MLLT1: variants seen among roughly 807,000 people sequenced by gnomAD.
MLLT1 encodes the protein MLLT1 super elongation complex subunit.
MLLT1 carries 11 observed loss-of-function variants against 55.1 expected under a neutral mutation model. The ratio of observed to expected loss-of-function variants is 0.20; its 90% CI spans 0.13 to 0.33. The LOEUF (loss-of-function observed/expected upper bound fraction) is 0.33, where lower values mean the gene tolerates loss of function less well. Among genes scored for constraint, MLLT1 ranks in the 10% least tolerant of loss-of-function variants. The pLI, the probability that MLLT1 is intolerant of heterozygous loss-of-function variation, is 1.00. For missense variants in MLLT1, 536 were observed against 760.6 expected, an observed-to-expected ratio of 0.70 and a Z score of 3.47; for synonymous variants, 323 against 320.1, an observed-to-expected ratio of 1.01 and a Z score of -0.10.
Position 6,262,414 on chromosome 19 carries a change from G to C in MLLT1, c.194-104C>G, listed in dbSNP as rs1007709587. On this transcript the variant is annotated intron_variant, in intron 2 of 11. Transcript: ENST00000252674. This position sits in a 1 kb window ranked among gnomAD's most constrained non-coding sequence, Gnocchi z 4.4. ...CTCAACCCCACCACCTCCTCACAGG[G>C]GCTTGGCTGGCCTCTCGGGGGTGGC... The C allele has an allele frequency of 2.0e-5, 18 of 913,902 alleles. No homozygotes were observed. Among genetic ancestry groups the C allele is most frequent in the Non-Finnish European group, 2.7e-5 (16 of 591,056 alleles). The allele number at this position is 913,902 out of a possible 1,614,324, so 56.6% of individuals were successfully genotyped here.
chr19:6,215,075 G>A (rs2090826188), intron 8 of MLLT1, among the ~76,000 whole-genome samples: 2 of 152,164 alleles, frequency 1.3e-5, no homozygotes, highest in East Asian at 1.9e-4. Flanking sequence ...TGACTGGGAT[G>A]ACGGCTGGGC....
At chr19:6,263,420 T>A (rs980319231) in intron 2 of MLLT1, 4 of 152,448 alleles carry the variant, frequency 2.6e-5, no homozygotes, top group African/African-American at 9.7e-5. Flanking sequence ...CAGGGCCACC[T>A]CCTTCGAGAA....
chr19:6,232,237 AAAACAAAC>A (rs538916174), intron 3 of MLLT1, among the ~76,000 whole-genome samples: 8 of 152,188 alleles, frequency 5.3e-5, no homozygotes, highest in Admixed American at 1.3e-4. Flanking sequence ...CTCTGTCTGA[AAAACAAAC>A]AAACAAACAA....
At chr19:6,238,968 G>C (rs898965403) in intron 3 of MLLT1, among the ~76,000 whole-genome samples, 1 of 152,264 alleles carries the variant, frequency 6.6e-6, no homozygotes, top group Non-Finnish European at 1.5e-5. Context: ...GCCTTAGTCA[G>C]TCCACACCAA....
chr19:6,269,412 G>A (rs769464222), intron 2 of MLLT1, among the ~76,000 whole-genome samples: 4 of 152,246 alleles, frequency 2.6e-5, no homozygotes, highest in Non-Finnish European at 5.9e-5. Context: ...CCGCTGTCAG[G>A]AGCCTCCGCG....
At position 6,227,288 on chromosome 19, in the gene MLLT1, A is replaced by T. The variant is rs1301684368; in HGVS notation, c.421-186T>A. ...TGCTGAGCACGCAGAAGAAGCAGGC[A>T]TGGGTGGGGAGCGAAGAAAAGCCCA... On this transcript the variant is annotated intron_variant, in intron 4 of 11. Transcript: ENST00000252674. The surrounding 1 kb of genome is among the most constrained non-coding windows in gnomAD (Gnocchi z 5.1). 6.6e-6 allele frequency among the ~76,000 whole-genome samples: 1 copy of T among 152,094 alleles called. No individual in the cohort carries two copies. Among genetic ancestry groups the T allele is most frequent in the Non-Finnish European group, 1.5e-5 (1 of 68,012 alleles).
intron 3 of MLLT1, among the ~76,000 whole-genome samples, chr19:6,251,682 TG>T (rs2091215570): frequency 6.6e-6 from 1 of 151,828 alleles, no homozygotes; most frequent in Admixed American, 6.6e-5. Context: ...CCCAGCACTT[TG>T]GGAGGCCAAG....
Position 6,229,029 on chromosome 19 carries a change from A to T in MLLT1, c.420+1541T>A, listed in dbSNP as rs1490730157. On this transcript the variant is annotated intron_variant, in intron 4 of 11. Coordinates refer to ENST00000252674, the MANE Select transcript of MLLT1 (RefSeq NM_005934.4). The surrounding 1 kb of genome is among the most constrained non-coding windows in gnomAD (Gnocchi z 5.2). ...GCCCTCAGAGCCTTCATCGCTGTGG[A>T]GCAAAGGAAGCCGCCTCCCACAGGG... 1.3e-5 allele frequency among the ~76,000 whole-genome samples: 2 copies of T among 152,092 alleles called. No homozygotes were observed. Among genetic ancestry groups the T allele is most frequent in the Non-Finnish European group, 2.9e-5 (2 of 67,990 alleles).
intron 7 of MLLT1, among the ~76,000 whole-genome samples, chr19:6,217,514 A>C (rs531027816): frequency 6.6e-6 from 1 of 152,290 alleles, no homozygotes; most frequent in Admixed American, 6.5e-5. Flanking sequence ...GCCTGCCTGG[A>C]GAGGGAGAGG....
intron 8 of MLLT1, among the ~76,000 whole-genome samples, chr19:6,214,398 T>C (rs1182810829): frequency 2.0e-5 from 3 of 152,156 alleles, no homozygotes; most frequent in Non-Finnish European, 4.4e-5. Context: ...GCTGAAAACC[T>C]GCCCTCTTCT....
chr19:6,245,814 GC>G, intron 3 of MLLT1, among the ~76,000 whole-genome samples: 1 of 152,344 alleles, frequency 6.6e-6, no homozygotes, highest in African/African-American at 2.4e-5. Flanking sequence ...CAGGAGGACT[GC>G]TTAAGTCCAG....
At chr19:6,258,468 G>A (rs2091276846) in intron 3 of MLLT1, among the ~76,000 whole-genome samples, 2 of 152,130 alleles carry the variant, frequency 1.3e-5, no homozygotes, top group Non-Finnish European at 1.5e-5. Context: ...CAACGCTGTC[G>A]TCTTGCTTCG....
intron 6 of MLLT1, among the ~76,000 whole-genome samples, chr19:6,220,615 T>C (rs757353772): frequency 6.6e-6 from 1 of 151,976 alleles, no homozygotes; most frequent in Non-Finnish European, 1.5e-5. Flanking sequence ...CAGAGCGGAG[T>C]GGAGCGGGCC....
At chr19:6,249,774 G>A (rs1439193049) in intron 3 of MLLT1, among the ~76,000 whole-genome samples, 1 of 152,132 alleles carries the variant, frequency 6.6e-6, no homozygotes, top group East Asian at 1.9e-4. Flanking sequence ...TGTAATCCCA[G>A]CACTTTGGGA....
chr19:6,277,847 T>C (rs1655417673), intron 1 of MLLT1, among the ~76,000 whole-genome samples: 1 of 152,220 alleles, frequency 6.6e-6, no homozygotes, highest in South Asian at 2.1e-4. Flanking sequence ...GGTTTTTAAC[T>C]CAATACAGAT....
At chr19:6,255,344 T>C (rs2091249233) in intron 3 of MLLT1, among the ~76,000 whole-genome samples, 1 of 152,032 alleles carries the variant, frequency 6.6e-6, no homozygotes, top group Admixed American at 6.6e-5. Context: ...AATACAAAAA[T>C]TAGCTGGGCG....
At position 6,270,655 on chromosome 19, in the gene MLLT1, G is replaced by A. The variant is rs774435837; in HGVS notation, c.117C>T (p.Pro39=). 35 of 1,614,024 alleles carry A rather than the reference G, an allele frequency of 2.2e-5. No individual in the cohort carries two copies. The Middle Eastern group carries it at 1.2e-3, about 53-fold the overall frequency. ...CGAAGTGCTGGATGTCACATTGCTCGGGGCCGCGGACAAACACCATCCAGT... is the reference window on the plus strand; with the variant it reads ...CGAAGTGCTGGATGTCACATTGCTCAGGGCCGCGGACAAACACCATCCAGT... ...THDWMVFVRG[P]EQCDIQHFVE... is the part of the protein sequence containing the mutation. The change falls in exon 2 of 12, where the codon CCC becomes CCT. Residue 39 remains proline (P), a synonymous_variant. Transcript: ENST00000252674. This position sits in a 1 kb window ranked among gnomAD's most constrained non-coding sequence, Gnocchi z 7.1.
chr19:6,247,846 C>G (rs957168936), intron 3 of MLLT1, among the ~76,000 whole-genome samples: 2 of 152,078 alleles, frequency 1.3e-5, no homozygotes, highest in Admixed American at 6.6e-5. Flanking sequence ...TGTTGGTGCT[C>G]AGAGTTTCAG....
chr19:6,273,965 C>G lies in MLLT1; in HGVS notation c.13-3206G>C, dbSNP rs987543564. On this transcript the variant is annotated intron_variant, in intron 1 of 11. Coordinates refer to ENST00000252674, the MANE Select transcript of MLLT1 (RefSeq NM_005934.4). This position sits in a 1 kb window ranked among gnomAD's most constrained non-coding sequence, Gnocchi z 4.3. Reference sequence around the variant, plus strand: ...GGATGGAAGCACCAGAACTCCACCGCAGTGGCCAAAGTAAACAGGAAGGTT... The same window carrying G: ...GGATGGAAGCACCAGAACTCCACCGGAGTGGCCAAAGTAAACAGGAAGGTT... 1.3e-5 allele frequency among the ~76,000 whole-genome samples: 2 copies of G among 152,240 alleles called. No individual in the cohort carries two copies. Among genetic ancestry groups the G allele is most frequent in the Non-Finnish European group, 2.9e-5 (2 of 68,040 alleles).
Sources: allele counts gnomAD v4.1 joint callset (sites outside exome capture counted in the v4.1 genomes callset), GRCh38; gene constraint gnomAD v4.1.1; non-coding constraint Gnocchi (gnomAD v3.1); transcripts MANE v1.5; gene names NCBI Gene and HGNC (gene_info 2026-07-23, HGNC 2026-07-21).